The following CMSS1 variants were observed in gnomAD, a reference collection of about 807,000 sequenced individuals.
CMSS1 encodes cms1 ribosomal small subunit homolog.
In CMSS1, 33 loss-of-function variants were observed where a neutral mutation model predicts 43.5. The observed-to-expected ratio is 0.76, with a 90% CI of 0.57 to 1.01. CMSS1 has a LOEUF of 1.01. Ranked by LOEUF, CMSS1 falls within the 50% of genes least tolerant of loss-of-function variation. The probability of loss-of-function intolerance (pLI) is 0.00; values close to 1 mark genes in which losing one functional copy is unlikely to be tolerated. For synonymous variants in CMSS1, 115 were observed against 117.2 expected (o/e 0.98, Z 0.12); for missense variants, 313 against 326.4 (o/e 0.96, Z 0.32).
intron 1 of CMSS1, among the ~76,000 whole-genome samples, chr3:99,939,413 C>A: frequency 6.6e-6 from 1 of 152,182 alleles, no homozygotes; most frequent in Non-Finnish European, 1.5e-5. Flanking sequence ...TTCTTTATTC[C>A]AAATGAAACA....
intron 1 of CMSS1, among the ~76,000 whole-genome samples, chr3:100,134,354 T>C (rs966357142): frequency 2.6e-5 from 4 of 152,170 alleles, no homozygotes; most frequent in Non-Finnish European, 5.9e-5. Flanking sequence ...TTAAGAAAAC[T>C]GTGGCATAAA....
chr3:100,022,522 A>G (rs2064844713), intron 1 of CMSS1, among the ~76,000 whole-genome samples: 1 of 152,226 alleles, frequency 6.6e-6, no homozygotes, highest in Non-Finnish European at 1.5e-5. Flanking sequence ...TATATCTTAT[A>G]TTGGACCTGA....
At chr3:99,864,969 C>T (rs532407817) in intron 1 of CMSS1, among the ~76,000 whole-genome samples, 303 of 152,200 alleles carry the variant, frequency 2.0e-3, no homozygotes, top group African/African-American at 6.8e-3. Context: ...TTGTTTAATA[C>T]TATATTTCTG....
chr3:100,043,789 C>T (rs2065241424), intron 1 of CMSS1, among the ~76,000 whole-genome samples: 1 of 152,164 alleles, frequency 6.6e-6, no homozygotes, highest in South Asian at 2.1e-4. Flanking sequence ...CATCACCTCA[C>T]CAACTTATTT....
At chr3:99,835,004 C>G (rs1942838567) in intron 1 of CMSS1, among the ~76,000 whole-genome samples, 1 of 152,226 alleles carries the variant, frequency 6.6e-6, no homozygotes, top group South Asian at 2.1e-4. Flanking sequence ...TTGTGATCAT[C>G]ATCAGCATCA....
At chr3:100,132,687 C>T (rs541405750) in intron 1 of CMSS1, among the ~76,000 whole-genome samples, 4 of 151,398 alleles carry the variant, frequency 2.6e-5, no homozygotes, top group Non-Finnish European at 5.9e-5. Flanking sequence ...AGCATGGTGG[C>T]GGGCGCCTAT....
intron 1 of CMSS1, among the ~76,000 whole-genome samples, chr3:99,857,440 C>T (rs1483299700): frequency 2.0e-5 from 3 of 152,198 alleles, no homozygotes; most frequent in African/African-American, 7.2e-5. Flanking sequence ...CCATCAGTCT[C>T]CTTTGGCTTT....
intron 1 of CMSS1, among the ~76,000 whole-genome samples, chr3:99,840,687 G>A (rs1311435754): frequency 6.6e-6 from 1 of 152,208 alleles, no homozygotes; most frequent in African/African-American, 2.4e-5. Context: ...TTTAAGGAGG[G>A]TGGCAAGACT....
At position 100,167,703 on chromosome 3, in the gene CMSS1, T is replaced by A. The variant is rs745946830; in HGVS notation, c.416-35T>A. On this transcript the variant is annotated intron_variant, in intron 5 of 9. Transcript: ENST00000421999. The stretch of plus-strand genomic sequence containing the variant: ...TTGGGAGGTGTGCCCTGTTTTGCCA[T>A]ATTTCAAATAATTGTTTTCTGTTCT... The A allele has an allele frequency of 5.5e-6, 8 of 1,450,850 alleles. No homozygotes were observed. The South Asian group carries it at 9.5e-5, about 17-fold the overall frequency. 89.9% of individuals were successfully genotyped at this position (1,450,850 alleles called of 1,614,324 possible).
Position 100,178,311 on chromosome 3 carries a change from AAGG to A in CMSS1, c.767_769del (p.Glu256del), listed in dbSNP as rs1405105622. On this transcript the variant is annotated inframe_deletion, in exon 10 of 10. Transcript: ENST00000421999. ...CCCCTTTTCTCTCATTTAGATAAGAAAGGAGGTATTCGAACTTCTGGAAATGGG... is the reference window on the plus strand; with the variant it reads ...CCCCTTTTCTCTCATTTAGATAAGAAAGGTATTCGAACTTCTGGAAATGGG... 1 of 1,607,532 alleles carries A rather than the reference AAGG, an allele frequency of 6.2e-7. No individual in the cohort carries two copies. The highest frequency in any genetic ancestry group is 8.5e-7 in the Non-Finnish European group (1 of 1,174,330).
At chr3:100,047,697 A>G (rs556043413) in intron 1 of CMSS1, among the ~76,000 whole-genome samples, 2 of 152,302 alleles carry the variant, frequency 1.3e-5, no homozygotes, top group East Asian at 3.9e-4. Flanking sequence ...TCAAGAAACA[A>G]TGCCCCTGCC....
At chr3:99,923,628 A>G (rs1001952462) in intron 1 of CMSS1, among the ~76,000 whole-genome samples, 1 of 151,986 alleles carries the variant, frequency 6.6e-6, no homozygotes, top group Non-Finnish European at 1.5e-5. Context: ...TCATCTGGAT[A>G]TTTGCCTCCT....
At chr3:99,962,228 TGAG>T (rs1249485116) in intron 1 of CMSS1, among the ~76,000 whole-genome samples, 4 of 150,912 alleles carry the variant, frequency 2.7e-5, no homozygotes, top group African/African-American at 9.8e-5. Context: ...AAGTGGGAGG[TGAG>T]GAGTGGGGAA....
intron 1 of CMSS1, among the ~76,000 whole-genome samples, chr3:99,900,737 C>T (rs1211168881): frequency 6.6e-6 from 1 of 152,234 alleles, no homozygotes; most frequent in African/African-American, 2.4e-5. Flanking sequence ...AACTGAGCTG[C>T]ACGTTGGAAC....
intron 2 of CMSS1, among the ~76,000 whole-genome samples, chr3:100,157,118 G>C (rs114065161): frequency 6.6e-6 from 1 of 151,986 alleles, no homozygotes; most frequent in Non-Finnish European, 1.5e-5. Flanking sequence ...GAATCTCTTG[G>C]GCTGATTCTC....
chr3:100,178,260 T>C, intron 9 of CMSS1, 45 bp from the exon 10 acceptor site: 3 of 1,226,470 alleles, frequency 2.4e-6, no homozygotes, highest in Non-Finnish European at 3.6e-6. Context: ...CAAGACCATT[T>C]TGGCTTGATC....
At chr3:99,849,199 T>C in intron 1 of CMSS1, 1 of 1,614,156 alleles carries the variant, frequency 6.2e-7, no homozygotes, top group Admixed American at 1.7e-5. Flanking sequence ...CTCATATAAC[T>C]GACCATTGAT....
chr3:99,979,206 A>T (rs984493152), intron 1 of CMSS1, among the ~76,000 whole-genome samples: 2 of 152,208 alleles, frequency 1.3e-5, no homozygotes, highest in African/African-American at 4.8e-5. Context: ...ATAAATATAT[A>T]CAATTACCTA....
At chr3:100,059,599 C>T (rs1422212500) in intron 1 of CMSS1, among the ~76,000 whole-genome samples, 1 of 152,130 alleles carries the variant, frequency 6.6e-6, no homozygotes, top group East Asian at 1.9e-4. Context: ...CGTTAGGAGC[C>T]AGGAAGGTTT....
Sources: gnomAD v4.1 joint callset for allele counts (sites outside exome capture counted in the v4.1 genomes callset) on GRCh38, gnomAD v4.1.1 for gene constraint, MANE v1.5 for transcripts, NCBI Gene and HGNC (gene_info 2026-07-23, HGNC 2026-07-21) for gene names.